Variants in ZNF362 observed in about 807,000 individuals in gnomAD.
ZNF362 encodes rotund homolog.
In ZNF362, 11 loss-of-function variants were observed where a neutral mutation model predicts 42.9. That is an observed-to-expected ratio of 0.26 (90% CI 0.16 to 0.42). ZNF362 has a LOEUF of 0.42. Among genes scored for constraint, ZNF362 ranks in the 20% least tolerant of loss-of-function variants. The probability of loss-of-function intolerance (pLI) is 1.00; values close to 1 mark genes in which losing one functional copy is unlikely to be tolerated. For missense variants in ZNF362, 362 were observed against 576.2 expected (o/e 0.63, Z 3.81); for synonymous variants, 255 against 257.3 (o/e 0.99, Z 0.09).
the ZNF362 span, among the ~76,000 whole-genome samples, chr1:33,208,445 G>GT: frequency 1.3e-5 from 2 of 151,924 alleles, no homozygotes; most frequent in South Asian, 4.2e-4. Context: ...ATTTAAAGTC[G>GT]TTTTTTTCCA....
chr1:33,159,699 T>C, the ZNF362 span: 23 of 1,608,008 alleles, frequency 1.4e-5, no homozygotes, highest in South Asian at 2.1e-4. This position sits in a 1 kb window ranked among gnomAD's most constrained non-coding sequence, Gnocchi z 4.2. Flanking sequence ...GCTCGGACAG[T>C]GAGGCCACCC....
intron 1 of ZNF362, among the ~76,000 whole-genome samples, chr1:33,262,186 A>G (rs961851981): frequency 2.7e-5 from 4 of 150,372 alleles, no homozygotes; most frequent in Non-Finnish European, 5.9e-5. Flanking sequence ...TCTGGGGCCT[A>G]AGGGGTCCTG....
At chr1:33,272,444 G>T (rs1645911375) in intron 2 of ZNF362, among the ~76,000 whole-genome samples, 1 of 150,194 alleles carries the variant, frequency 6.7e-6, no homozygotes, top group Admixed American at 6.6e-5. Context: ...GCCATCAGCA[G>T]GCCGTTTTCT....
chr1:33,210,293 T>A, the ZNF362 span, among the ~76,000 whole-genome samples: 1 of 152,206 alleles, frequency 6.6e-6, no homozygotes, highest in African/African-American at 2.4e-5. Context: ...TGAGAGACAG[T>A]TTGTTGTAAT....
At chr1:33,274,897 C>T (rs1040140327) in intron 2 of ZNF362, 28 of 955,150 alleles carry the variant, frequency 2.9e-5, no homozygotes, top group Non-Finnish European at 3.7e-6. Flanking sequence ...AAGTAAAGAT[C>T]ACAAGAGATA....
At chr1:33,250,846 A>AAG in the ZNF362 span, among the ~76,000 whole-genome samples, 10 of 90,250 alleles carry the variant, frequency 1.1e-4, no homozygotes, top group South Asian at 1.2e-3. Flanking sequence ...AAGAAAGAAG[A>AAG]AAGAAGGAAG....
chr1:33,151,989 C>T, the ZNF362 span, among the ~76,000 whole-genome samples: 1 of 152,244 alleles, frequency 6.6e-6, no homozygotes, highest in South Asian at 2.1e-4. Context: ...TTCCTCTGGC[C>T]AGGCCTTTAA....
chr1:33,239,602 G>C, the ZNF362 span, among the ~76,000 whole-genome samples: 1 of 152,128 alleles, frequency 6.6e-6, no homozygotes, highest in Non-Finnish European at 1.5e-5. Flanking sequence ...CCTGCTTCAC[G>C]GGGGCGCAGG....
chr1:33,284,624 C>G (rs1321494505), intron 6 of ZNF362, among the ~76,000 whole-genome samples: 1 of 152,066 alleles, frequency 6.6e-6, no homozygotes, highest in Admixed American at 6.5e-5. Context: ...CCCACCCTCA[C>G]CCCCAGAATT....
At chr1:33,247,013 A>G in the ZNF362 span, among the ~76,000 whole-genome samples, 1 of 152,172 alleles carries the variant, frequency 6.6e-6, no homozygotes, top group Non-Finnish European at 1.5e-5. Flanking sequence ...AGGTGCAGAG[A>G]GGAAGGAGGC....
At chr1:33,282,502 G>A (rs1218220662) in intron 6 of ZNF362, among the ~76,000 whole-genome samples, 2 of 152,184 alleles carry the variant, frequency 1.3e-5, no homozygotes, top group Non-Finnish European at 2.9e-5. Flanking sequence ...TGTGTGAAAG[G>A]GAGACTCAAA....
chr1:33,165,427 C>T, the ZNF362 span: 1 of 1,523,386 alleles, frequency 6.6e-7, no homozygotes, highest in East Asian at 2.5e-5. This position sits in a 1 kb window ranked among gnomAD's most constrained non-coding sequence, Gnocchi z 4.0. Context: ...GAAGCCCTGC[C>T]CTCATCTCTG....
the ZNF362 span, among the ~76,000 whole-genome samples, chr1:33,180,156 C>T: frequency 6.6e-6 from 1 of 152,250 alleles, no homozygotes; most frequent in East Asian, 1.9e-4. Flanking sequence ...GGTCACTCTG[C>T]ATGTACCGTT....
At chr1:33,275,302 G>A (rs1369614623) in intron 2 of ZNF362, 23 of 985,232 alleles carry the variant, frequency 2.3e-5, no homozygotes, top group South Asian at 9.4e-5. Context: ...CCTTCTAACC[G>A]CACAGGCCTG....
At chr1:33,216,038 C>T in the ZNF362 span, among the ~76,000 whole-genome samples, 4 of 149,836 alleles carry the variant, frequency 2.7e-5, no homozygotes, top group African/African-American at 7.3e-5. Flanking sequence ...ACAAACGTTT[C>T]CATAATACTT....
At chr1:33,220,967 C>T in the ZNF362 span, among the ~76,000 whole-genome samples, 2 of 151,978 alleles carry the variant, frequency 1.3e-5, no homozygotes, top group Non-Finnish European at 2.9e-5. Context: ...AGGGTGTGGC[C>T]CATCAGATTG....
chr1:33,218,932 TACACACACACACACACACACAC>T, the ZNF362 span, among the ~76,000 whole-genome samples: 29 of 121,092 alleles, frequency 2.4e-4, no homozygotes, highest in East Asian at 1.4e-3. Flanking sequence ...GAGCTGGACA[TACACACACACACACACACACAC>T]ACACACACAC....
the ZNF362 span, among the ~76,000 whole-genome samples, chr1:33,152,554 T>C: frequency 1 from 146,610 of 147,034 alleles, 73,093 homozygotes; most frequent in Middle Eastern, 1. Context: ...GCAACAAGAG[T>C]GAAACTCCGT....
chr1:33,274,974 G>A (rs1333729028), intron 2 of ZNF362: 10 of 985,200 alleles, frequency 1.0e-5, no homozygotes, highest in East Asian at 1.1e-4. Context: ...GTTTTCTCCC[G>A]AAGCCCTATA....
Sources: gnomAD v4.1 joint callset for allele counts (sites outside exome capture counted in the v4.1 genomes callset) on GRCh38, gnomAD v4.1.1 for gene constraint, Gnocchi (gnomAD v3.1) non-coding constraint, MANE v1.5 for transcripts, NCBI Gene and HGNC (gene_info 2026-07-23, HGNC 2026-07-21) for gene names.